DOCK5: variants seen among roughly 807,000 people sequenced by gnomAD.
The protein encoded by DOCK5 is dedicator of cytokinesis 5.
Under a neutral mutation model 251.8 loss-of-function variants are expected in DOCK5, and 142 were observed. The observed-to-expected ratio is 0.56, with a 90% confidence interval of 0.49 to 0.65. The LOEUF (loss-of-function observed/expected upper bound fraction) is 0.65. DOCK5 is among the 30% of genes least tolerant of loss of function. The probability of loss-of-function intolerance (pLI) is 0.00; values close to 1 mark genes in which losing one functional copy is unlikely to be tolerated. For synonymous variants in DOCK5, 842 were observed against 835.5 expected, an observed-to-expected ratio of 1.01 and a Z score of -0.13; for missense variants, 2,111 against 2,312.3, an observed-to-expected ratio of 0.91 and a Z score of 1.79.
intron 35 of DOCK5, 96 bp from the exon 36 acceptor site, chr8:25,373,522 G>A: frequency 1.7e-6 from 2 of 1,185,950 alleles, no homozygotes; most frequent in East Asian, 2.6e-5. Context: ...TTGGAAAAGT[G>A]AAACTTTTGA....
At chr8:25,244,726 A>G (rs1465643309) in intron 2 of DOCK5, among the ~76,000 whole-genome samples, 1 of 152,226 alleles carries the variant, frequency 6.6e-6, no homozygotes, top group Non-Finnish European at 1.5e-5. Flanking sequence ...GAAAGGAAGC[A>G]GGATTTGGCC....
Position 25,299,146 on chromosome 8 carries a change from C to A in DOCK5, c.764+45C>A, listed in dbSNP as rs1262242153. ...CCTGCTGCTGACCTAACAAAGATAC[C>A]CAGCCTTCCCCTGACCCCTACCCGG... is the stretch of plus-strand genomic sequence containing the variant. On this transcript the variant is annotated intron_variant, in intron 8 of 51. Coordinates refer to ENST00000276440, the MANE Select transcript of DOCK5 (RefSeq NM_024940.8). 6 of 1,590,886 alleles carry A rather than the reference C, an allele frequency of 3.8e-6. No homozygotes were observed. In the African/African-American group the frequency reaches 8.1e-5, roughly 21 times the overall value.
intron 13 of DOCK5, 96 bp from the exon 14 acceptor site, chr8:25,316,911 C>T: frequency 1.4e-6 from 2 of 1,467,504 alleles, no homozygotes; most frequent in Admixed American, 2.0e-5. Context: ...AAAACCAGAC[C>T]ATTTCGTGTT....
intron 2 of DOCK5, among the ~76,000 whole-genome samples, chr8:25,247,864 A>AC (rs758847210): frequency 6.6e-6 from 1 of 152,200 alleles, no homozygotes; most frequent in African/African-American, 2.4e-5. Flanking sequence ...TGACAGTCAC[A>AC]CAAAAATGGT....
intron 27 of DOCK5, among the ~76,000 whole-genome samples, chr8:25,354,444 C>T (rs937651314): frequency 2.0e-5 from 3 of 152,170 alleles, no homozygotes; most frequent in African/African-American, 7.2e-5. Flanking sequence ...TGCATGTTGT[C>T]TCCCTTGTTT....
intron 4 of DOCK5, chr8:25,277,348 C>A (rs984948757): frequency 6.5e-6 from 1 of 152,792 alleles, no homozygotes; most frequent in African/African-American, 2.4e-5. Context: ...TACCAAAGGG[C>A]CTTATTTTCA....
At chr8:25,298,445 G>A (rs1804673430) in intron 7 of DOCK5, among the ~76,000 whole-genome samples, 1 of 152,176 alleles carries the variant, frequency 6.6e-6, no homozygotes, top group Non-Finnish European at 1.5e-5. Flanking sequence ...TTGTTTGAAT[G>A]TCTGGGATTC....
intron 3 of DOCK5, chr8:25,270,986 A>G (rs1803893472): frequency 2.2e-6 from 1 of 455,028 alleles, no homozygotes; most frequent in Non-Finnish European, 3.9e-6. Flanking sequence ...GGGAATAATG[A>G]CAAGGAAATA....
At chr8:25,380,899 C>T (rs1457038188) in intron 39 of DOCK5, among the ~76,000 whole-genome samples, 4 of 149,856 alleles carry the variant, frequency 2.7e-5, no homozygotes, top group South Asian at 2.1e-4. Context: ...AGCACCATTC[C>T]GAATGCCCAG....
At chr8:25,208,368 A>T (rs189368891) in intron 1 of DOCK5, among the ~76,000 whole-genome samples, 3 of 152,248 alleles carry the variant, frequency 2.0e-5, no homozygotes, top group Non-Finnish European at 4.4e-5. Flanking sequence ...ATGAAATGCT[A>T]TCAAATAGCA....
At chr8:25,364,140 A>G (rs1240748472) in intron 29 of DOCK5, among the ~76,000 whole-genome samples, 1 of 152,226 alleles carries the variant, frequency 6.6e-6, no homozygotes, top group African/African-American at 2.4e-5. Flanking sequence ...TATTATATTA[A>G]AAGAGTGTTA....
intron 35 of DOCK5, among the ~76,000 whole-genome samples, 190 bp from the exon 36 acceptor site, chr8:25,373,428 A>T (rs535532613): frequency 1.3e-5 from 2 of 152,256 alleles, no homozygotes; most frequent in Non-Finnish European, 2.9e-5. Context: ...AAAGTCCATT[A>T]TATCACTCTT....
intron 22 of DOCK5, among the ~76,000 whole-genome samples, chr8:25,339,539 G>A (rs1227670005): frequency 6.6e-6 from 1 of 152,206 alleles, no homozygotes; most frequent in African/African-American, 2.4e-5. Flanking sequence ...TGCCTGAGCT[G>A]AGCTGGGTGG....
chr8:25,360,964 G>A (rs1293748704), intron 28 of DOCK5, among the ~76,000 whole-genome samples: 1 of 152,106 alleles, frequency 6.6e-6, no homozygotes, highest in Non-Finnish European at 1.5e-5. Flanking sequence ...CCTCACGAGG[G>A]AACTAAGACC....
chr8:25,401,610 T>C (rs1801439599), intron 47 of DOCK5, among the ~76,000 whole-genome samples: 1 of 152,230 alleles, frequency 6.6e-6, no homozygotes, highest in East Asian at 1.9e-4. Flanking sequence ...GTCAGGCACC[T>C]GTAGTCCCGG....
chr8:25,208,490 C>A (rs1447000399), intron 1 of DOCK5, among the ~76,000 whole-genome samples: 2 of 152,204 alleles, frequency 1.3e-5, no homozygotes, highest in Non-Finnish European at 2.9e-5. Context: ...TCAGCAACTG[C>A]CACCCTGATC....
At position 25,321,036 on chromosome 8, in the gene DOCK5, C is replaced by T. The variant is rs1198793210; in HGVS notation, c.1599C>T (p.His533=). 6.2e-7 allele frequency: 1 copy of T among 1,613,286 alleles called. No individual in the cohort carries two copies. Among genetic ancestry groups the T allele is most frequent in the East Asian group, 2.2e-5 (1 of 44,872 alleles). Residue 533 remains histidine (H), a synonymous_variant, in exon 16 of 52, where the codon CAC becomes CAT. Coordinates refer to ENST00000276440, the MANE Select transcript of DOCK5 (RefSeq NM_024940.8). ...GTCATATAAGATTTACCTTCCGACACAGGTCATCTCAGGAAAGTAAGTATT... is the reference window on the plus strand; with the variant it reads ...GTCATATAAGATTTACCTTCCGACATAGGTCATCTCAGGAAAGTAAGTATT... ...TRCHIRFTFR[H]RSSQETRDKS...
At chr8:25,220,767 G>A (rs773332317) in intron 1 of DOCK5, among the ~76,000 whole-genome samples, 2 of 152,120 alleles carry the variant, frequency 1.3e-5, no homozygotes, top group Admixed American at 6.6e-5. Flanking sequence ...ATCATGCCTG[G>A]CTAATTTTTG....
intron 1 of DOCK5, among the ~76,000 whole-genome samples, chr8:25,233,556 A>AG (rs2117524851): frequency 6.6e-6 from 1 of 152,310 alleles, no homozygotes; most frequent in South Asian, 2.1e-4. Flanking sequence ...CAGAAGAGTT[A>AG]GGTAAAACAC....
Sources: gnomAD v4.1 joint callset for allele counts (sites outside exome capture counted in the v4.1 genomes callset) on GRCh38, gnomAD v4.1.1 for gene constraint, MANE v1.5 for transcripts, NCBI Gene and HGNC (gene_info 2026-07-23, HGNC 2026-07-21) for gene names.